The following CPED1 variants were observed in gnomAD, a reference collection of about 807,000 sequenced individuals.
The protein encoded by CPED1 is cadherin like and PC-esterase domain containing 1.
Under a neutral mutation model 128.2 loss-of-function variants are expected in CPED1, and 114 were observed. That is an observed-to-expected ratio of 0.89 (90% CI 0.76 to 1.04). The LOEUF is 1.04. CPED1 is among the 50% of genes least tolerant of loss of function. The pLI is 0.00. For missense variants in CPED1, 1,211 were observed against 1,207.1 expected (o/e 1.00, Z -0.05); for synonymous variants, 462 against 426.7 (o/e 1.08, Z -1.02).
intron 11 of CPED1, 94 bp downstream of exon 11, chr7:121,128,580 T>G: frequency 5.7e-6 from 4 of 696,304 alleles, no homozygotes; most frequent in Non-Finnish European, 1.0e-5. Flanking sequence ...CTAGATTAAG[T>G]ATTTCTTTAA....
intron 5 of CPED1, among the ~76,000 whole-genome samples, chr7:121,080,490 A>C (rs1194305490): frequency 6.6e-6 from 1 of 152,166 alleles, no homozygotes; most frequent in Non-Finnish European, 1.5e-5. Context: ...GAAGTGGTCA[A>C]ACTTTTTATT....
Position 121,006,991 on chromosome 7 carries a change from C to T in CPED1, c.250-8674C>T, listed in dbSNP as rs533803395. 2.0e-5 allele frequency among the ~76,000 whole-genome samples: 3 copies of T among 152,222 alleles called. No individual in the cohort carries two copies. In the South Asian group the frequency reaches 6.2e-4, roughly 32 times the overall value. The stretch of plus-strand genomic sequence containing the variant: ...AGGGGAGGTGGAGGCTGGCAGACAA[C>T]AATGAACACCAGGCACAGGAAGGCT... On this transcript the variant is annotated intron_variant, in intron 2 of 22. Coordinates refer to ENST00000310396, the MANE Select transcript of CPED1 (RefSeq NM_024913.5).
intron 16 of CPED1, among the ~76,000 whole-genome samples, chr7:121,167,473 A>G (rs1026939593): frequency 6.6e-6 from 1 of 152,212 alleles, no homozygotes; most frequent in African/African-American, 2.4e-5. Flanking sequence ...TGTTTAATTT[A>G]TAAGCATCGT....
chr7:121,190,683 T>G (rs1353460760), intron 16 of CPED1, among the ~76,000 whole-genome samples: 1 of 152,048 alleles, frequency 6.6e-6, no homozygotes, highest in East Asian at 1.9e-4. Context: ...AAGAAAGAAA[T>G]AATTTTTAAG....
intron 5 of CPED1, among the ~76,000 whole-genome samples, chr7:121,089,608 T>C (rs549096241): frequency 1.3e-5 from 2 of 152,310 alleles, no homozygotes; most frequent in African/African-American, 2.4e-5. Context: ...TAAGTTATTA[T>C]TCTGACTTAA....
chr7:120,997,204 A>T (rs914194389), intron 2 of CPED1, among the ~76,000 whole-genome samples: 10 of 152,378 alleles, frequency 6.6e-5, no homozygotes, highest in Admixed American at 5.9e-4. Context: ...ATGTGTGCTT[A>T]AACATCCCTA....
At chr7:121,252,899 T>A (rs188638710) in intron 18 of CPED1, among the ~76,000 whole-genome samples, 34 of 152,298 alleles carry the variant, frequency 2.2e-4, no homozygotes, top group Admixed American at 2.0e-3. Context: ...TGGAAGTTGG[T>A]GTGGCAATTC....
intron 8 of CPED1, 51 bp downstream of exon 8, chr7:121,124,524 T>G: frequency 2.9e-5 from 36 of 1,244,212 alleles, no homozygotes; most frequent in Non-Finnish European, 3.5e-5. Context: ...GAAAGCAACC[T>G]ATCTTTTAAA....
At chr7:121,250,288 A>C (rs1228787347) in intron 18 of CPED1, among the ~76,000 whole-genome samples, 2 of 152,108 alleles carry the variant, frequency 1.3e-5, no homozygotes, top group African/African-American at 4.8e-5. Context: ...ACAAAGACAC[A>C]ACATACCAGA....
chr7:121,251,753 A>C (rs1562850934), intron 18 of CPED1, among the ~76,000 whole-genome samples: 1 of 147,276 alleles, frequency 6.8e-6, no homozygotes, highest in Admixed American at 6.8e-5. Context: ...AATCCAACTT[A>C]AAGGGATGTG....
chr7:121,055,615 T>C (rs183105086), intron 4 of CPED1, among the ~76,000 whole-genome samples: 1 of 150,584 alleles, frequency 6.6e-6, no homozygotes, highest in Admixed American at 6.6e-5. Flanking sequence ...TAATTATACA[T>C]ATAAAATATA....
chr7:121,244,232 C>T lies in CPED1; in HGVS notation c.2204C>T (p.Ser735Leu), dbSNP rs148996529. The change falls in exon 18 of 23, where the codon TCG becomes TTG. Residue 735 changes from serine (S) to leucine (L), a missense_variant. By Grantham distance (145) the Ser-to-Leu change is moderately radical. Coordinates refer to ENST00000310396, the MANE Select transcript of CPED1 (RefSeq NM_024913.5). The part of the protein sequence containing the change: ...GQWIVPCLSC[S>L]DNRTCDWREI... Reference sequence around the variant, plus strand: ...TGGATTGTGCCTTGCCTTAGTTGTTCGGACAACAGGACGTGTGACTGGAGA... The same window carrying T: ...TGGATTGTGCCTTGCCTTAGTTGTTTGGACAACAGGACGTGTGACTGGAGA... 3.5e-4 allele frequency: 557 copies of T among 1,613,964 alleles called. No individual in the cohort carries two copies. The highest frequency in any genetic ancestry group is 3.9e-4 in the Non-Finnish European group (466 of 1,179,992).
intron 16 of CPED1, among the ~76,000 whole-genome samples, chr7:121,233,180 G>T (rs756951177): frequency 4.6e-5 from 7 of 152,050 alleles, no homozygotes; most frequent in Non-Finnish European, 8.8e-5. Context: ...GTATGAACAA[G>T]AAAATTCCTA....
intron 3 of CPED1, among the ~76,000 whole-genome samples, chr7:121,044,545 T>C (rs1175028563): frequency 6.6e-6 from 1 of 151,624 alleles, no homozygotes; most frequent in Non-Finnish European, 1.5e-5. Flanking sequence ...CCCTTATGAA[T>C]GGCAAAAAGC....
chr7:121,015,353 A>T (rs985962013), intron 2 of CPED1, among the ~76,000 whole-genome samples: 1 of 152,190 alleles, frequency 6.6e-6, no homozygotes, highest in South Asian at 2.1e-4. Flanking sequence ...GATTAAAGGC[A>T]TTGCTATTAA....
intron 2 of CPED1, among the ~76,000 whole-genome samples, chr7:120,993,477 G>A (rs532058067): frequency 1.3e-5 from 2 of 152,194 alleles, no homozygotes; most frequent in South Asian, 4.2e-4. Flanking sequence ...CATTCTATAT[G>A]ACATCTACTT....
At chr7:120,997,328 AAAG>A (rs1796423514) in intron 2 of CPED1, among the ~76,000 whole-genome samples, 1 of 152,248 alleles carries the variant, frequency 6.6e-6, no homozygotes, top group Admixed American at 6.5e-5. Context: ...AAGTGAAGAG[AAAG>A]AAGGTCACAG....
chr7:121,150,677 G>A (rs576124692), intron 16 of CPED1, among the ~76,000 whole-genome samples: 1 of 152,058 alleles, frequency 6.6e-6, no homozygotes, highest in Non-Finnish European at 1.5e-5. Flanking sequence ...AACAGCATAA[G>A]TATTTCCTTT....
intron 16 of CPED1, among the ~76,000 whole-genome samples, chr7:121,184,069 G>A (rs1195134772): frequency 6.6e-6 from 1 of 151,788 alleles, no homozygotes; most frequent in Non-Finnish European, 1.5e-5. Context: ...GAACCCAGGG[G>A]ACGGAGGTTG....
Sources: gnomAD v4.1 joint callset for allele counts (sites outside exome capture counted in the v4.1 genomes callset) on GRCh38, gnomAD v4.1.1 for gene constraint, MANE v1.5 for transcripts, NCBI Gene and HGNC (gene_info 2026-07-23, HGNC 2026-07-21) for gene names.